Variants in NBAS observed in about 807,000 individuals in gnomAD.
NBAS encodes NBAS subunit of NRZ tethering complex, also known as NAG/BC035112 fusion.
Under a neutral mutation model 302.5 loss-of-function variants are expected in NBAS, and 219 were observed. The ratio of observed to expected loss-of-function variants is 0.72; its 90% CI spans 0.65 to 0.81. NBAS has a LOEUF of 0.81. Among genes scored for constraint, NBAS ranks in the 30% least tolerant of loss-of-function variants. NBAS has a pLI of 0.00. For synonymous variants in NBAS, 1,118 were observed against 1,021.6 expected (o/e 1.09, Z -1.80); for missense variants, 2,932 against 2,841.6 (o/e 1.03, Z -0.72).
intron 9 of NBAS, among the ~76,000 whole-genome samples, chr2:15,518,039 C>G (rs573325597): frequency 1.8e-4 from 27 of 151,790 alleles, no homozygotes; most frequent in African/African-American, 6.3e-4. Context: ...CTCCTTCTCT[C>G]TCCCTTTTTT....
chr2:15,035,760 G>A, the NBAS span, among the ~76,000 whole-genome samples: 30 of 152,286 alleles, frequency 2.0e-4, no homozygotes, highest in African/African-American at 6.7e-4. Context: ...AACATCACAT[G>A]TTCTCACTCA....
rs75347158 is a variant in NBAS at position 15,534,578 on chromosome 2, A to G, written c.711T>C (p.His237=). The G allele has an allele frequency of 9.2e-4, 1,489 of 1,613,738 alleles. 17 individuals carry two copies. The African/African-American group carries it at 0.017, about 18-fold the overall frequency. ...GGTGGTAAATAGCTGTGTTGATTCC[A>G]TGAGGATAATGACTACTGAAGCTGA... The part of the protein sequence containing the change: ...HCFSFSSHYP[H]GINTAIYHPG... Residue 237 remains histidine (H), a synonymous_variant, in exon 9 of 52, where the codon CAT becomes CAC. Coordinates refer to ENST00000281513, the MANE Select transcript of NBAS (RefSeq NM_015909.4).
chr2:15,041,595 G>C, the NBAS span, among the ~76,000 whole-genome samples: 1 of 152,212 alleles, frequency 6.6e-6, no homozygotes, highest in Non-Finnish European at 1.5e-5. Context: ...ACAGACAAAT[G>C]GTCCTGTGGC....
chr2:15,253,584 C>G (rs1479949545), intron 44 of NBAS, among the ~76,000 whole-genome samples: 1 of 152,184 alleles, frequency 6.6e-6, no homozygotes, highest in Admixed American at 6.5e-5. Flanking sequence ...GAATCTGTTT[C>G]TAAATTAATT....
the NBAS span, among the ~76,000 whole-genome samples, chr2:14,784,933 G>C: frequency 6.6e-6 from 1 of 152,176 alleles, no homozygotes; most frequent in Non-Finnish European, 1.5e-5. Flanking sequence ...TCACGATACT[G>C]ATTCTTCCTA....
the NBAS span, among the ~76,000 whole-genome samples, chr2:15,158,539 G>A: frequency 5.9e-5 from 9 of 152,190 alleles, no homozygotes; most frequent in Non-Finnish European, 1.0e-4. Flanking sequence ...TGGGTTTCCA[G>A]TTACCTGTTC....
chr2:14,965,657 A>G, the NBAS span, among the ~76,000 whole-genome samples: 1 of 152,194 alleles, frequency 6.6e-6, no homozygotes, highest in Non-Finnish European at 1.5e-5. Context: ...AGGAGGGAAT[A>G]CTTCCCAATT....
chr2:15,029,259 G>T, the NBAS span, among the ~76,000 whole-genome samples: 1 of 152,216 alleles, frequency 6.6e-6, no homozygotes, highest in Non-Finnish European at 1.5e-5. Context: ...CAGGAAGAAG[G>T]TCCCACTAGG....
At chr2:15,494,452 T>C (rs1680990316) in intron 11 of NBAS, among the ~76,000 whole-genome samples, 2 of 152,258 alleles carry the variant, frequency 1.3e-5, no homozygotes, top group South Asian at 4.1e-4. Flanking sequence ...GAAGTTAGTA[T>C]GAAGATTGGA....
At chr2:14,985,252 G>T in the NBAS span, among the ~76,000 whole-genome samples, 1 of 151,920 alleles carries the variant, frequency 6.6e-6, no homozygotes, top group African/African-American at 2.4e-5. Context: ...TGAGAAGAGG[G>T]ATTAAAGAAA....
intron 35 of NBAS, among the ~76,000 whole-genome samples, chr2:15,346,241 T>C (rs1009812331): frequency 6.6e-6 from 1 of 151,936 alleles, no homozygotes; most frequent in Middle Eastern, 3.2e-3. Context: ...GGGAGAAAAT[T>C]TTTGTAATCT....
the NBAS span, among the ~76,000 whole-genome samples, chr2:14,940,439 G>A: frequency 2.3e-4 from 35 of 152,014 alleles, 1 homozygote; most frequent in Non-Finnish European, 1.5e-4. Flanking sequence ...GATCAACATC[G>A]TACTTCCTGT....
chr2:15,254,021 T>G (rs1166252733), intron 44 of NBAS, among the ~76,000 whole-genome samples: 1 of 152,166 alleles, frequency 6.6e-6, no homozygotes, highest in Non-Finnish European at 1.5e-5. Flanking sequence ...TGAATTCTCC[T>G]AAGATGTAGA....
the NBAS span, among the ~76,000 whole-genome samples, chr2:15,121,290 C>T: frequency 1.3e-5 from 2 of 152,194 alleles, no homozygotes; most frequent in African/African-American, 4.8e-5. Context: ...CCTTCTGTAG[C>T]TACAGGCTGA....
chr2:15,356,592 T>TGGC (rs1673634956), intron 32 of NBAS, among the ~76,000 whole-genome samples, 176 bp from the exon 33 acceptor site: 3 of 152,308 alleles, frequency 2.0e-5, no homozygotes, highest in Admixed American at 2.0e-4. Context: ...AAGCATGGAA[T>TGGC]TAGCCATCAG....
chr2:15,147,737 T>G, the NBAS span, among the ~76,000 whole-genome samples: 2 of 152,116 alleles, frequency 1.3e-5, no homozygotes, highest in Admixed American at 1.3e-4. Context: ...AGGACCGCCT[T>G]TACTCATCAT....
chr2:15,245,770 G>T (rs1021546997), intron 44 of NBAS, among the ~76,000 whole-genome samples: 2 of 152,160 alleles, frequency 1.3e-5, no homozygotes, highest in Non-Finnish European at 2.9e-5. Context: ...GAGCACTTTA[G>T]TTTAGACATG....
At chr2:15,253,208 C>T (rs1156616250) in intron 44 of NBAS, among the ~76,000 whole-genome samples, 1 of 152,134 alleles carries the variant, frequency 6.6e-6, no homozygotes, top group East Asian at 1.9e-4. Context: ...CAAGATGTCT[C>T]ATGGGGTAGG....
At chr2:14,944,594 G>A in the NBAS span, among the ~76,000 whole-genome samples, 1 of 152,068 alleles carries the variant, frequency 6.6e-6, no homozygotes, top group Non-Finnish European at 1.5e-5. Context: ...CCAAAATGGT[G>A]GCATACAAGC....
Sources: allele counts gnomAD v4.1 joint callset (sites outside exome capture counted in the v4.1 genomes callset), GRCh38; gene constraint gnomAD v4.1.1; transcripts MANE v1.5; gene names NCBI Gene and HGNC (gene_info 2026-07-23, HGNC 2026-07-21).